RIMS4: variants seen among roughly 807,000 people sequenced by gnomAD.
RIMS4 encodes regulating synaptic membrane exocytosis 4.
Under a neutral mutation model 29.0 loss-of-function variants are expected in RIMS4, and 9 were observed. That is an observed-to-expected ratio of 0.31 (90% CI 0.19 to 0.54). The LOEUF is 0.54. Ranked by LOEUF, RIMS4 falls within the 20% of genes least tolerant of loss-of-function variation. RIMS4 has a pLI of 0.94. For missense variants in RIMS4, 193 were observed against 365.7 expected, an observed-to-expected ratio of 0.53 and a Z score of 3.85; for synonymous variants, 130 against 152.9, an observed-to-expected ratio of 0.85 and a Z score of 1.10.
chr20:44,803,521 A>C (rs1408560036), intron 1 of RIMS4, among the ~76,000 whole-genome samples: 1 of 152,152 alleles, frequency 6.6e-6, no homozygotes, highest in Non-Finnish European at 1.5e-5. Flanking sequence ...ATCCCTGCCC[A>C]GCCACACAGT....
chr20:44,756,191 C>A lies in RIMS4; in HGVS notation c.753G>T (p.Arg251=). 1 of 1,613,846 alleles carries A rather than the reference C, an allele frequency of 6.2e-7. No individual in the cohort carries two copies. The highest frequency in any genetic ancestry group is 2.2e-5 in the East Asian group (1 of 44,866). The change falls in exon 6 of 6, where the codon CGG becomes CGT. Residue 251 remains arginine (R), a synonymous_variant. Transcript: ENST00000372851. This position sits in a 1 kb window ranked among gnomAD's most constrained non-coding sequence, Gnocchi z 5.9. ...TCTCGAGGGACAACTGGGATGCCTG[C>A]CGGAGCAGGGGGCCTGTGGCTGGGT... The part of the protein sequence containing the change: ...MVDPATGPLL[R]QASQLSLEST...
chr20:44,764,198 C>T (rs1450601798), intron 2 of RIMS4, among the ~76,000 whole-genome samples: 2 of 61,430 alleles, frequency 3.3e-5, no homozygotes, highest in Admixed American at 1.5e-4. Context: ...ATTTATCCAT[C>T]CATCCATCCA....
intron 1 of RIMS4, among the ~76,000 whole-genome samples, chr20:44,780,593 C>T (rs943739535): frequency 1.3e-5 from 2 of 152,182 alleles, no homozygotes; most frequent in African/African-American, 4.8e-5. Context: ...CTCATCATTT[C>T]ATGTAATCTT....
At chr20:44,772,431 T>C (rs2066141144) in intron 1 of RIMS4, among the ~76,000 whole-genome samples, 1 of 152,192 alleles carries the variant, frequency 6.6e-6, no homozygotes, top group African/African-American at 2.4e-5. Context: ...GTCTAGACCA[T>C]TGTAGAGCTC....
Position 44,754,785 on chromosome 20 carries a change from G to A in RIMS4, c.*1349C>T, listed in dbSNP as rs1387633876. On this transcript the variant is annotated 3_prime_UTR_variant, in exon 6 of 6. Coordinates refer to ENST00000372851, the MANE Select transcript of RIMS4 (RefSeq NM_182970.4). The stretch of plus-strand genomic sequence containing the variant: ...AGCTAAGAACAGGCCCCAGGGCTTG[G>A]AGCACTAACTCTACCTAGCTAACCT... The A allele has an allele frequency of 6.6e-6, 1 of 152,580 alleles. No homozygotes were observed. Among genetic ancestry groups the A allele is most frequent in the Non-Finnish European group, 1.5e-5 (1 of 68,096 alleles). The allele number at this position is 152,580 out of a possible 1,614,324, so 9.5% of individuals were successfully genotyped here.
At chr20:44,774,814 A>T (rs1601028399) in intron 1 of RIMS4, among the ~76,000 whole-genome samples, 1 of 150,838 alleles carries the variant, frequency 6.6e-6, no homozygotes, top group Non-Finnish European at 1.5e-5. Context: ...ACTCACCATG[A>T]CCTCCTCCCC....
In RIMS4 at chr20:44,756,476, C is replaced by T. The variant is rs1041218979; in HGVS notation, c.592-124G>A. On this transcript the variant is annotated intron_variant, in intron 5 of 5. Transcript: ENST00000372851. The surrounding 1 kb of genome is among the most constrained non-coding windows in gnomAD (Gnocchi z 5.9). ...TGTGATTTCTACCTCCTTAAAACTG[C>T]AATTCCTCAACAGGCCTTTCTTATC... 11 of 743,616 alleles carry T rather than the reference C, an allele frequency of 1.5e-5. No homozygotes were observed. The African/African-American group carries it at 1.6e-4, about 11-fold the overall frequency. 46.1% of individuals were successfully genotyped at this position (743,616 alleles called of 1,614,324 possible).
At chr20:44,810,046 G>A in intron 1 of RIMS4, 129 bp downstream of exon 1, 1 of 417,666 alleles carries the variant, frequency 2.4e-6, no homozygotes, top group Admixed American at 3.5e-5. Flanking sequence ...CGTGGGTGCG[G>A]AAGGAGACCC....
intron 1 of RIMS4, among the ~76,000 whole-genome samples, chr20:44,807,043 C>T (rs2066301908): frequency 6.6e-6 from 1 of 152,042 alleles, no homozygotes; most frequent in African/African-American, 2.4e-5. Flanking sequence ...AACTCCTCCC[C>T]GATTACAAAC....
intron 1 of RIMS4, among the ~76,000 whole-genome samples, chr20:44,797,035 G>T (rs1415624387): frequency 6.6e-6 from 1 of 152,172 alleles, no homozygotes; most frequent in Non-Finnish European, 1.5e-5. Flanking sequence ...TACCACCCAT[G>T]GCAGGCTGGA....
At chr20:44,759,495 G>A (rs2066075163) in intron 2 of RIMS4, among the ~76,000 whole-genome samples, 1 of 152,166 alleles carries the variant, frequency 6.6e-6, no homozygotes, top group Admixed American at 6.5e-5. Context: ...CTGGCCTCAC[G>A]TGATCCACCC....
intron 1 of RIMS4, among the ~76,000 whole-genome samples, chr20:44,806,909 T>C (rs2066301325): frequency 1.3e-5 from 2 of 152,250 alleles, no homozygotes; most frequent in African/African-American, 2.4e-5. Flanking sequence ...AATGAGTTAA[T>C]ATTTTTAAAA....
chr20:44,802,760 TCC>T (rs1333704045), intron 1 of RIMS4, among the ~76,000 whole-genome samples: 1 of 152,144 alleles, frequency 6.6e-6, no homozygotes, highest in Non-Finnish European at 1.5e-5. Context: ...GGACCTCAGT[TCC>T]CGCACCAGAT....
chr20:44,797,620 A>G (rs1601043746), intron 1 of RIMS4, among the ~76,000 whole-genome samples: 2 of 152,362 alleles, frequency 1.3e-5, no homozygotes, highest in Admixed American at 1.3e-4. Context: ...GGTTTGCCCT[A>G]ATACTTGTAC....
intron 1 of RIMS4, among the ~76,000 whole-genome samples, chr20:44,807,266 G>A (rs756712194): frequency 2.0e-5 from 3 of 152,200 alleles, no homozygotes; most frequent in Non-Finnish European, 4.4e-5. Context: ...AGAAAGAGGT[G>A]TGAAGAAGGC....
In RIMS4 at chr20:44,802,768, C is replaced by T. The variant is rs114043974; in HGVS notation, c.97+7407G>A. Among the ~76,000 whole-genome samples, 530 of 152,296 alleles carry T rather than the reference C, an allele frequency of 3.5e-3. 2 individuals are homozygous for T. The highest frequency in any genetic ancestry group is 0.012 in the African/African-American group (501 of 41,560). ...CTTCTTCGGACCTCAGTTCCCGCAC[C>T]AGATAATCTTTATCCTCTACAAGGC... On this transcript the variant is annotated intron_variant, in intron 1 of 5. Coordinates refer to ENST00000372851, the MANE Select transcript of RIMS4 (RefSeq NM_182970.4).
At position 44,756,256 on chromosome 20, in the gene RIMS4, C is replaced by T. The variant is rs186607000; in HGVS notation, c.688G>A (p.Val230Met). ...GTGGGGAAGAGCTTGTACCAGCCCA[C>T]GGCCAGGGTGGTCAAGTCCAGCTCC... ...LEELDLTTLA[V>M]GWYKLFPTSS... is the part of the protein sequence containing the mutation. The change falls in exon 6 of 6, where the codon GTG (valine) becomes ATG (methionine). Residue 230 changes from valine to methionine, a missense_variant. Coordinates refer to ENST00000372851, the MANE Select transcript of RIMS4 (RefSeq NM_182970.4). The surrounding 1 kb of genome is among the most constrained non-coding windows in gnomAD (Gnocchi z 5.9). 6 of 1,613,998 alleles carry T rather than the reference C, an allele frequency of 3.7e-6. No homozygotes were observed. In the East Asian group the frequency reaches 6.7e-5, roughly 18 times the overall value.
Position 44,758,176 on chromosome 20 carries a change from T to C in RIMS4, c.245A>G (p.Tyr82Cys), listed in dbSNP as rs2066068974. The part of the protein sequence containing the change: ...NSYGSEGNLN[Y>C]GGVCLASDAQ... ...GTCCGACGCCAGGCAAACTCCTCCA[T>C]AGTTAAGGCTGCAAGAGGAAAAGGT... The change falls in exon 3 of 6, where the codon TAT becomes TGT. Residue 82 changes from tyrosine to cysteine, a missense_variant. By Grantham distance (194) the Tyr-to-Cys change is radical. Coordinates refer to ENST00000372851, the MANE Select transcript of RIMS4 (RefSeq NM_182970.4). 1 of 1,609,594 alleles carries C rather than the reference T, an allele frequency of 6.2e-7. No homozygotes were observed. Among genetic ancestry groups the C allele is most frequent in the South Asian group, 1.1e-5 (1 of 90,610 alleles).
chr20:44,757,798 T>G, intron 3 of RIMS4, 27 bp from the exon 4 acceptor site: 1 of 1,580,768 alleles, frequency 6.3e-7, no homozygotes, highest in South Asian at 1.1e-5. Flanking sequence ...GAGATGAGAC[T>G]GGGAAATGGT....
Sources: allele counts gnomAD v4.1 joint callset (sites outside exome capture counted in the v4.1 genomes callset), GRCh38; gene constraint gnomAD v4.1.1; non-coding constraint Gnocchi (gnomAD v3.1); transcripts MANE v1.5; gene names NCBI Gene and HGNC (gene_info 2026-07-23, HGNC 2026-07-21).